SAMSN1: variants seen among roughly 807,000 people sequenced by gnomAD.
The protein encoded by SAMSN1 is SAM domain, SH3 domain and nuclear localization signals 1.
In SAMSN1, 31 loss-of-function variants were observed where a neutral mutation model predicts 42.0. The observed-to-expected ratio is 0.74, with a 90% CI of 0.55 to 1.00. The LOEUF (loss-of-function observed/expected upper bound fraction) is 1.00, where lower values mean the gene tolerates loss of function less well. Among genes scored for constraint, SAMSN1 ranks in the 50% least tolerant of loss-of-function variants. The pLI is 0.00. For synonymous variants in SAMSN1, 178 were observed against 151.9 expected, an observed-to-expected ratio of 1.17 and a Z score of -1.26; for missense variants, 464 against 439.4, an observed-to-expected ratio of 1.06 and a Z score of -0.50.
intron 1 of SAMSN1, 89 bp from the exon 2 acceptor site, chr21:14,521,310 G>C: frequency 1.2e-6 from 1 of 832,366 alleles, no homozygotes. Context: ...AGTTTAATAA[G>C]CACCGTCTCT....
chr21:14,562,126 ATTTACATGGG>A (rs1029256740), intron 2 of SAMSN1, among the ~76,000 whole-genome samples: 20 of 152,226 alleles, frequency 1.3e-4, no homozygotes, highest in African/African-American at 4.8e-4. Context: ...GCATGTATAC[ATTTACATGGG>A]GTGGGGAACA....
At chr21:14,580,637 C>G (rs1981674708) in intron 2 of SAMSN1, among the ~76,000 whole-genome samples, 1 of 152,236 alleles carries the variant, frequency 6.6e-6, no homozygotes, top group Non-Finnish European at 1.5e-5. Flanking sequence ...AGTTCGAAGT[C>G]TGTTATCAGA....
intron 3 of SAMSN1, among the ~76,000 whole-genome samples, chr21:14,614,941 A>T (rs1982798360): frequency 6.6e-6 from 1 of 152,200 alleles, no homozygotes; most frequent in African/African-American, 2.4e-5. Flanking sequence ...TCATCATCAG[A>T]CACTTTCCCT....
chr21:14,537,444 T>C (rs1024215439), intron 1 of SAMSN1, among the ~76,000 whole-genome samples: 3 of 152,220 alleles, frequency 2.0e-5, no homozygotes, highest in African/African-American at 7.2e-5. Context: ...TCCTATTTAT[T>C]GTCTGTCATC....
At chr21:14,576,262 A>C (rs1362944642) in intron 2 of SAMSN1, among the ~76,000 whole-genome samples, 1 of 152,022 alleles carries the variant, frequency 6.6e-6, no homozygotes, top group Non-Finnish European at 1.5e-5. Flanking sequence ...TAGTCAAGAA[A>C]ATTAATCTGT....
chr21:14,610,093 T>C (rs1439321682), intron 4 of SAMSN1, among the ~76,000 whole-genome samples: 2 of 152,198 alleles, frequency 1.3e-5, no homozygotes, highest in African/African-American at 4.8e-5. Context: ...ACAGCAATTT[T>C]CTGGGAACAA....
At chr21:14,516,832 G>T in intron 3 of SAMSN1, 60 bp downstream of exon 3, 1 of 1,399,146 alleles carries the variant, frequency 7.1e-7, no homozygotes, top group Non-Finnish European at 9.8e-7. Flanking sequence ...CTATAGTCTA[G>T]CTGAATAGTT....
intron 1 of SAMSN1, among the ~76,000 whole-genome samples, chr21:14,530,312 G>C (rs1276006829): frequency 1.1e-5 from 1 of 91,452 alleles, no homozygotes; most frequent in African/African-American, 3.6e-5. Context: ...GCGAGACTCC[G>C]TCTCAAAAAA....
intron 7 of SAMSN1, chr21:14,496,451 T>C (rs919276511): frequency 1.3e-5 from 2 of 152,248 alleles, no homozygotes; most frequent in Non-Finnish European, 2.9e-5. Context: ...AAAAATACTC[T>C]TCTCCTCCCT....
At chr21:14,530,772 A>C (rs1286165986) in intron 1 of SAMSN1, among the ~76,000 whole-genome samples, 1 of 152,170 alleles carries the variant, frequency 6.6e-6, no homozygotes, top group Non-Finnish European at 1.5e-5. Context: ...TGTTTAGGGG[A>C]AGAAGAGAGG....
chr21:14,611,641 C>A (rs1324659278), intron 4 of SAMSN1, among the ~76,000 whole-genome samples: 2 of 152,204 alleles, frequency 1.3e-5, no homozygotes, highest in African/African-American at 4.8e-5. Flanking sequence ...TTATTTAAGA[C>A]TGTGCACTAT....
At chr21:14,535,584 CTGTATTTGGATATAAAGCCTTTAAAGAG>C (rs1979554756) in intron 1 of SAMSN1, among the ~76,000 whole-genome samples, 1 of 152,160 alleles carries the variant, frequency 6.6e-6, no homozygotes, top group Non-Finnish European at 1.5e-5. Context: ...CAGACCATGA[CTGTATTTGGATATAAAGCCTTTAAAGAG>C]AAAATCAAGT....
intron 2 of SAMSN1, among the ~76,000 whole-genome samples, chr21:14,563,886 T>C (rs141654000): frequency 6.8e-4 from 103 of 152,200 alleles, no homozygotes; most frequent in Non-Finnish European, 1.2e-3. Flanking sequence ...ATAACCTAAG[T>C]AGGAAAAGAC....
At chr21:14,545,428 A>G (rs1019188994) in intron 1 of SAMSN1, among the ~76,000 whole-genome samples, 1 of 152,180 alleles carries the variant, frequency 6.6e-6, no homozygotes, top group Non-Finnish European at 1.5e-5. Flanking sequence ...AAAGAAATGT[A>G]CAAGTATTGG....
upstream of SAMSN1, among the ~76,000 whole-genome samples, chr21:14,584,238 A>T (rs1039440040): frequency 6.6e-6 from 1 of 152,168 alleles, no homozygotes; most frequent in Admixed American, 6.5e-5. Context: ...TTCTTTTTGG[A>T]AATTTGTGGA....
intron 2 of SAMSN1, among the ~76,000 whole-genome samples, chr21:14,553,781 TG>T (rs1335384833): frequency 2.0e-5 from 3 of 152,170 alleles, no homozygotes; most frequent in African/African-American, 7.2e-5. Context: ...TTGTGATTCC[TG>T]TTTTGTTGTG....
intron 7 of SAMSN1, chr21:14,591,569 T>C (rs1370860117): frequency 1.3e-5 from 2 of 151,978 alleles, no homozygotes; most frequent in Admixed American, 6.6e-5. Context: ...CAAAAATACA[T>C]CTGGAGGAAA....
intron 2 of SAMSN1, among the ~76,000 whole-genome samples, chr21:14,576,039 T>C (rs1981449842): frequency 6.6e-6 from 1 of 152,200 alleles, no homozygotes; most frequent in South Asian, 2.1e-4. Context: ...AATATCATTG[T>C]GCTTGATGAA....
At chr21:14,635,124 TGAACAATGA>T (rs1983433061) in intron 2 of SAMSN1, among the ~76,000 whole-genome samples, 1 of 152,130 alleles carries the variant, frequency 6.6e-6, no homozygotes, top group African/African-American at 2.4e-5. Flanking sequence ...AAGTGGGAGT[TGAACAATGA>T]GAACACATGG....
Sources: gnomAD v4.1 joint callset for allele counts (sites outside exome capture counted in the v4.1 genomes callset) on GRCh38, gnomAD v4.1.1 for gene constraint, MANE v1.5 for transcripts, NCBI Gene and HGNC (gene_info 2026-07-23, HGNC 2026-07-21) for gene names.